The following DGKA variants were observed in gnomAD, a reference collection of about 807,000 sequenced individuals.
The protein encoded by DGKA is 80 kDa diacylglycerol kinase.
A neutral mutation model predicts 105.0 loss-of-function variants in DGKA; 35 were observed. The ratio of observed to expected loss-of-function variants is 0.33; its 90% CI spans 0.25 to 0.44. DGKA has a LOEUF of 0.44. DGKA is among the 20% of genes least tolerant of loss of function. The probability of loss-of-function intolerance (pLI) is 1.00; values close to 1 mark genes in which losing one functional copy is unlikely to be tolerated. For synonymous variants in DGKA, 296 were observed against 332.0 expected, an observed-to-expected ratio of 0.89 and a Z score of 1.18; for missense variants, 665 against 915.0, an observed-to-expected ratio of 0.73 and a Z score of 3.53.
chr12:55,932,269 T>G lies in DGKA; in HGVS notation c.-82+925T>G, dbSNP rs1592654261. ...CAGCTGGAGCGGGTATCGAGAAGGGTCTGCGCTGGGACGCGGGGGTGCAGC... is the reference window on the plus strand; with the variant it reads ...CAGCTGGAGCGGGTATCGAGAAGGGGCTGCGCTGGGACGCGGGGGTGCAGC... On this transcript the variant is annotated intron_variant, in intron 1 of 23. Coordinates refer to ENST00000331886, the MANE Select transcript of DGKA (RefSeq NM_001345.5). This position sits in a 1 kb window ranked among gnomAD's most constrained non-coding sequence, Gnocchi z 4.3. The G allele has an allele frequency of 2.1e-6, 1 of 487,348 alleles. No individual in the cohort carries two copies. Among genetic ancestry groups the G allele is most frequent in the Non-Finnish European group, 3.7e-6 (1 of 267,112 alleles). The allele number at this position is 487,348 out of a possible 1,614,324, so 30.2% of individuals were successfully genotyped here. A position where few individuals can be genotyped will look rare whatever the true frequency, so the allele number is the denominator to read the frequency against.
In DGKA at chr12:55,940,054, G is replaced by T. The variant is rs1365598634; in HGVS notation, c.710-28G>T. The T allele has an allele frequency of 6.2e-7, 1 of 1,600,026 alleles. No individual in the cohort carries two copies. The highest frequency in any genetic ancestry group is 8.6e-7 in the Non-Finnish European group (1 of 1,167,290). On this transcript the variant is annotated intron_variant, in intron 9 of 23. Transcript: ENST00000331886. This position sits in a 1 kb window ranked among gnomAD's most constrained non-coding sequence, Gnocchi z 4.3. ...GAAATAGGGGGAGAGGCTCAGCTAAGCCTCCCAACTTCTTCCTTCTCCCTC... is the reference window on the plus strand; with the variant it reads ...GAAATAGGGGGAGAGGCTCAGCTAATCCTCCCAACTTCTTCCTTCTCCCTC...
chr12:55,943,556 G>GTA (rs1886430028), intron 17 of DGKA: 1 of 152,098 alleles, frequency 6.6e-6, no homozygotes, highest in African/African-American at 2.4e-5. Flanking sequence ...GATTACAGGT[G>GTA]TAAGCCACCA....
chr12:55,953,678 C>G lies in DGKA; in HGVS notation c.2125-7C>G, dbSNP rs758090296. ...CCTGCCTCTGAATGTGCTCCCTTCC[C>G]TTCCAGATCAAGATCACCCACAAGA... On this transcript the variant is annotated splice_polypyrimidine_tract_variant and splice_region_variant and intron_variant, in intron 23 of 23. Transcript: ENST00000331886. 3 of 1,613,896 alleles carry G rather than the reference C, an allele frequency of 1.9e-6. No individual in the cohort carries two copies. The highest frequency in any genetic ancestry group is 2.5e-6 in the Non-Finnish European group (3 of 1,179,774).
chr12:55,946,984 C>CTTTTTTT (rs1233832786), intron 17 of DGKA, among the ~76,000 whole-genome samples: 1 of 127,882 alleles, frequency 7.8e-6, no homozygotes, highest in African/African-American at 3.0e-5. Flanking sequence ...TCCTTTCTTT[C>CTTTTTTT]TTTTTTTTTT....
At chr12:55,927,879 C>T, upstream of DGKA, 3 of 1,337,026 alleles carry the variant, frequency 2.2e-6, no homozygotes, top group Middle Eastern at 2.0e-4. Context: ...CTCGCCCAGA[C>T]CTCCTAACCC....
At chr12:55,953,262 T>A (rs957801208) in intron 22 of DGKA, 88 bp from the exon 23 acceptor site, 2 of 1,610,960 alleles carry the variant, frequency 1.2e-6, no homozygotes, top group Admixed American at 1.7e-5. Flanking sequence ...TCTCCCTCAA[T>A]GACAAAAGGT....
At position 55,944,595 on chromosome 12, in the gene DGKA, T is replaced by C. The variant is rs201121193; in HGVS notation, c.1426+2332T>C. On this transcript the variant is annotated intron_variant, in intron 17 of 23. Coordinates refer to ENST00000331886, the MANE Select transcript of DGKA (RefSeq NM_001345.5). ...GTAGGAAGGAGACAGAATAGGAAAT[T>C]ACCTGTTTGCAGTAGTCCAGACAAG... Among the ~76,000 whole-genome samples, 33 of 152,234 alleles carry C rather than the reference T, an allele frequency of 2.2e-4. No homozygotes were observed. The East Asian group carries it at 6.0e-3, about 28-fold the overall frequency.
intron 17 of DGKA, among the ~76,000 whole-genome samples, chr12:55,943,049 G>C (rs1227827343): frequency 6.6e-6 from 1 of 152,180 alleles, no homozygotes; most frequent in East Asian, 1.9e-4. Flanking sequence ...TAGTTGAGCA[G>C]AGTCCAGATG....
At chr12:55,950,720 AG>A (rs1887992812) in intron 17 of DGKA, among the ~76,000 whole-genome samples, 1 of 151,624 alleles carries the variant, frequency 6.6e-6, no homozygotes, top group African/African-American at 2.4e-5. Flanking sequence ...GGACTACAGG[AG>A]TGAGCCACTG....
chr12:55,940,809 C>G lies in DGKA; in HGVS notation c.1017+87C>G, dbSNP rs753317364. ...AGAGTGGCATTTAGAATAGAGAGCT[C>G]ATACTTTTAGGATTCAAGTCAGACC... On this transcript the variant is annotated intron_variant, in intron 12 of 23. Coordinates refer to ENST00000331886, the MANE Select transcript of DGKA (RefSeq NM_001345.5). This position sits in a 1 kb window ranked among gnomAD's most constrained non-coding sequence, Gnocchi z 4.3. The G allele has an allele frequency of 1.8e-5, 28 of 1,597,328 alleles. No individual in the cohort carries two copies. The South Asian group carries it at 3.0e-4, about 17-fold the overall frequency.
chr12:55,951,540 C>T, intron 17 of DGKA, 83 bp from the exon 18 acceptor site: 2 of 1,474,798 alleles, frequency 1.4e-6, no homozygotes, highest in Non-Finnish European at 1.8e-6. Context: ...CAGAAGGCCC[C>T]TGGGAATTTG....
At chr12:55,927,654 G>A, upstream of DGKA, 2 of 1,524,368 alleles carry the variant, frequency 1.3e-6, no homozygotes, top group Non-Finnish European at 8.8e-7. Flanking sequence ...GATTGCTGTC[G>A]GCCAACCCAC....
chr12:55,932,685 C>T lies in DGKA; in HGVS notation c.-82+1341C>T. On this transcript the variant is annotated intron_variant, in intron 1 of 23. Coordinates refer to ENST00000331886, the MANE Select transcript of DGKA (RefSeq NM_001345.5). The surrounding 1 kb of genome is among the most constrained non-coding windows in gnomAD (Gnocchi z 4.3). ...AACTTCCTCCTATACTACGCAATGACACCCTCTACACACACACACACACGC... is the reference window on the plus strand; with the variant it reads ...AACTTCCTCCTATACTACGCAATGATACCCTCTACACACACACACACACGC... 1 of 668,372 alleles carries T rather than the reference C, an allele frequency of 1.5e-6. No homozygotes were observed. 41.4% of individuals were successfully genotyped at this position (668,372 alleles called of 1,614,324 possible).
upstream of DGKA, chr12:55,930,357 GT>G (rs1156510868): frequency 0.019 from 1,339 of 71,724 alleles, 9 homozygotes; most frequent in African/African-American, 0.033. Flanking sequence ...CAAGGGCCTT[GT>G]TTTTTTTTTT....
Position 55,940,761 on chromosome 12 carries a change from C to T in DGKA, c.1017+39C>T, listed in dbSNP as rs961823310. 1.3e-5 allele frequency: 21 copies of T among 1,608,742 alleles called. No homozygotes were observed. The highest frequency in any genetic ancestry group is 1.7e-5 in the Non-Finnish European group (20 of 1,175,436). On this transcript the variant is annotated intron_variant, in intron 12 of 23. Coordinates refer to ENST00000331886, the MANE Select transcript of DGKA (RefSeq NM_001345.5). The surrounding 1 kb of genome is among the most constrained non-coding windows in gnomAD (Gnocchi z 4.3). ...CAGCAGCGGGGAGGGGACAGGAGTG[C>T]CTCCCCGATTTCCCACACGCACAGA... is the stretch of plus-strand genomic sequence containing the variant.
At position 55,952,997 on chromosome 12, in the gene DGKA, A is replaced by T; in HGVS notation, c.1943-43A>T. 1 of 1,614,120 alleles carries T rather than the reference A, an allele frequency of 6.2e-7. No individual in the cohort carries two copies. Among genetic ancestry groups the T allele is most frequent in the Non-Finnish European group, 8.5e-7 (1 of 1,180,022 alleles). ...AGGGAAAGTGTGACTCCCTATGGGG[A>T]TACCCTGTTTATGTAAAACTTTACT... On this transcript the variant is annotated intron_variant, in intron 21 of 23. Transcript: ENST00000331886. This position sits in a 1 kb window ranked among gnomAD's most constrained non-coding sequence, Gnocchi z 5.1.
chr12:55,939,466 C>G lies in DGKA; in HGVS notation c.646C>G (p.Pro216Ala), dbSNP rs1232391545. Residue 216 changes from proline to alanine, a missense_variant, in exon 9 of 24, where the codon CCA becomes GCA. Physicochemically the swap from Pro to Ala is conservative, Grantham distance 27. Around this residue, in one of 3 missense-constraint regions of DGKA, gnomAD observed 504 missense variants for 681.2 expected, o/e 0.74. Transcript: ENST00000331886. Reference sequence around the variant, plus strand: ...GTGGAGGCCCAAGAGGTTCCCCAGACCAGTCTACTGCAATCTGTGCGAGTC... The same window carrying G: ...GTGGAGGCCCAAGAGGTTCCCCAGAGCAGTCTACTGCAATCTGTGCGAGTC... Reference protein sequence around the residue: ...HMWRPKRFPRPVYCNLCESSI... With the variant: ...HMWRPKRFPRAVYCNLCESSI... 1.2e-6 allele frequency: 2 copies of G among 1,614,100 alleles called. No individual in the cohort carries two copies. The highest frequency in any genetic ancestry group is 2.7e-5 in the African/African-American group (2 of 74,934).
intron 23 of DGKA, 37 bp from the exon 24 acceptor site, chr12:55,953,648 C>A (rs773455138): frequency 1.3e-6 from 2 of 1,594,362 alleles, no homozygotes; most frequent in Non-Finnish European, 1.7e-6. Flanking sequence ...CCCAAAGTAT[C>A]AGGTCCTGCC....
Position 55,936,435 on chromosome 12 carries a change from A to C in DGKA, c.-69A>C. On this transcript the variant is annotated 5_prime_UTR_variant, in exon 2 of 24. Transcript: ENST00000331886. ...CACCTTTCCCCAGGCCTACCCTCTG[A>C]AGAGGTCCAAGCAACGGAAGTACTA... is the stretch of plus-strand genomic sequence containing the variant. 6.3e-7 allele frequency: 1 copy of C among 1,585,536 alleles called. No individual in the cohort carries two copies. Among genetic ancestry groups the C allele is most frequent in the Non-Finnish European group, 8.6e-7 (1 of 1,164,210 alleles).
Sources: gnomAD v4.1 joint callset for allele counts (sites outside exome capture counted in the v4.1 genomes callset) on GRCh38, gnomAD v4.1.1 for gene constraint, gnomAD v4.1.1 regional missense constraint, Gnocchi (gnomAD v3.1) non-coding constraint, MANE v1.5 for transcripts, NCBI Gene and HGNC (gene_info 2026-07-23, HGNC 2026-07-21) for gene names.